The following JMJD1C variants were observed in gnomAD, a reference collection of about 807,000 sequenced individuals.
JMJD1C encodes the protein jumonji domain-containing protein 1C.
Under a neutral mutation model 245.3 loss-of-function variants are expected in JMJD1C, and 31 were observed. That is an observed-to-expected ratio of 0.13 (90% CI 0.09 to 0.17). The LOEUF (loss-of-function observed/expected upper bound fraction) is 0.17, where lower values mean the gene tolerates loss of function less well. Ranked by LOEUF, JMJD1C falls within the 10% of genes least tolerant of loss-of-function variation. The probability of loss-of-function intolerance (pLI) is 1.00; values close to 1 mark genes in which losing one functional copy is unlikely to be tolerated. For missense variants in JMJD1C, 2,691 were observed against 3,000.2 expected (o/e 0.90, Z 2.41); for synonymous variants, 1,057 against 1,017.4 (o/e 1.04, Z -0.74).
At chr10:63,442,471 G>A (rs955952462) in intron 1 of JMJD1C, among the ~76,000 whole-genome samples, 2 of 152,120 alleles carry the variant, frequency 1.3e-5, no homozygotes. Context: ...AAGAGACTTA[G>A]GTCATTATAT....
chr10:63,191,345 G>A (rs543214069), intron 16 of JMJD1C, among the ~76,000 whole-genome samples: 2 of 152,192 alleles, frequency 1.3e-5, no homozygotes, highest in African/African-American at 4.8e-5. Context: ...TGTTGGTCAG[G>A]CTGGTCTTGA....
chr10:63,483,638 T>C (rs989342144), intron 1 of JMJD1C, among the ~76,000 whole-genome samples: 2 of 152,334 alleles, frequency 1.3e-5, no homozygotes, highest in East Asian at 1.9e-4. Context: ...TTTGCCATTT[T>C]TTGAAAACTT....
chr10:63,185,275 T>C (rs1277926587), intron 20 of JMJD1C, among the ~76,000 whole-genome samples: 1 of 152,164 alleles, frequency 6.6e-6, no homozygotes, highest in Non-Finnish European at 1.5e-5. Flanking sequence ...GGACTACAGA[T>C]GCCTGCCACC....
chr10:63,288,895 T>G (rs1041924228), intron 2 of JMJD1C, among the ~76,000 whole-genome samples: 12 of 55,454 alleles, frequency 2.2e-4, no homozygotes, highest in African/African-American at 7.5e-4. Context: ...AATACAATAA[T>G]AATAATAATA....
At chr10:63,185,798 A>G in intron 19 of JMJD1C, 145 bp from the exon 20 acceptor site, 1 of 610,818 alleles carries the variant, frequency 1.6e-6, no homozygotes, top group Non-Finnish European at 2.8e-6. Context: ...CTTATTACTT[A>G]TGTACTTATG....
intron 22 of JMJD1C, among the ~76,000 whole-genome samples, chr10:63,179,585 T>C (rs1223681593): frequency 6.6e-6 from 1 of 151,696 alleles, no homozygotes; most frequent in African/African-American, 2.4e-5. Context: ...CCAGCCTGAG[T>C]AACATGGTAA....
In JMJD1C at chr10:63,300,312, C is replaced by G. The variant is rs191976203; in HGVS notation, c.334-35548G>C. 4.6e-5 allele frequency among the ~76,000 whole-genome samples: 7 copies of G among 152,050 alleles called. No individual in the cohort carries two copies. In the East Asian group the frequency reaches 5.8e-4, roughly 13 times the overall value. ...TAAGTCAGCCTGGTTATCAAAAGCA[C>G]AATAAGATTAGAGATGAAAATATTT... On this transcript the variant is annotated intron_variant, in intron 2 of 25. Transcript: ENST00000399262.
At chr10:63,177,299 G>A (rs961827294) in intron 23 of JMJD1C, 23 of 222,194 alleles carry the variant, frequency 1.0e-4, no homozygotes, top group Admixed American at 3.3e-4. Flanking sequence ...ATGTGATAGA[G>A]TAGAATCATT....
chr10:63,241,114 G>C (rs1419481428), intron 3 of JMJD1C, among the ~76,000 whole-genome samples: 2 of 152,168 alleles, frequency 1.3e-5, no homozygotes, highest in Admixed American at 6.6e-5. Context: ...TTTAATTTAT[G>C]CACATACACA....
intron 1 of JMJD1C, among the ~76,000 whole-genome samples, chr10:63,462,393 T>C (rs1952855664): frequency 6.6e-6 from 1 of 152,224 alleles, no homozygotes; most frequent in African/African-American, 2.4e-5. Context: ...TATATGTTCA[T>C]ATTGTACAAG....
At chr10:63,256,990 G>T (rs1183384735) in intron 3 of JMJD1C, among the ~76,000 whole-genome samples, 1 of 151,996 alleles carries the variant, frequency 6.6e-6, no homozygotes, top group Non-Finnish European at 1.5e-5. Flanking sequence ...ATCCGAACAC[G>T]TTGGGAGGCC....
chr10:63,491,499 C>G (rs1954174407), intron 1 of JMJD1C, among the ~76,000 whole-genome samples: 1 of 152,116 alleles, frequency 6.6e-6, no homozygotes, highest in Non-Finnish European at 1.5e-5. Context: ...AGTCAGCTTA[C>G]TTGTGGACTG....
At chr10:63,417,270 A>T (rs1217634743) in intron 1 of JMJD1C, among the ~76,000 whole-genome samples, 1 of 152,214 alleles carries the variant, frequency 6.6e-6, no homozygotes. Context: ...CTCAATGTAC[A>T]TACATAGATG....
intron 2 of JMJD1C, among the ~76,000 whole-genome samples, chr10:63,334,590 T>G (rs931599980): frequency 6.6e-6 from 1 of 152,034 alleles, no homozygotes; most frequent in Non-Finnish European, 1.5e-5. Context: ...GGCGTGGTGG[T>G]ATGTGCTATA....
upstream of JMJD1C, among the ~76,000 whole-genome samples, chr10:63,468,053 C>A (rs1391237202): frequency 6.6e-6 from 1 of 152,120 alleles, no homozygotes; most frequent in Non-Finnish European, 1.5e-5. Context: ...TAAATGGGCC[C>A]CTGGGAACTC....
chr10:63,339,936 T>C (rs1241358139), intron 2 of JMJD1C, among the ~76,000 whole-genome samples: 2 of 152,188 alleles, frequency 1.3e-5, no homozygotes, highest in African/African-American at 4.8e-5. Flanking sequence ...CTGTAGTCCC[T>C]GTAGTCCCAG....
rs1322115359 is a variant in JMJD1C, at chr10:63,380,358, G to A, written c.293C>T (p.Thr98Ile). ...IWAKRNDPSQ[T>I]QGSKSKQIQW... ...AATCTGTTTGCTCTTTGATCCCTGAGTCTGGCTAGGGTCATTCCTTTTGGC... is the reference window on the plus strand; with the variant it reads ...AATCTGTTTGCTCTTTGATCCCTGAATCTGGCTAGGGTCATTCCTTTTGGC... The change falls in exon 2 of 26, where the codon ACT becomes ATT. Residue 98 changes from threonine (T) to isoleucine (I), a missense_variant. Physicochemically the swap from Thr to Ile is moderately conservative, Grantham distance 89. This residue lies in a region of JMJD1C where 172 missense variants were observed against 240.8 expected (regional missense o/e 0.71). Coordinates refer to ENST00000399262, the MANE Select transcript of JMJD1C (RefSeq NM_032776.3). The A allele has an allele frequency of 1.2e-6, 2 of 1,613,990 alleles. No homozygotes were observed. The highest frequency in any genetic ancestry group is 2.2e-5 in the East Asian group (1 of 44,876).
rs559013236 is a variant in JMJD1C, at chr10:63,234,049, C to T, written c.448-14066G>A. 5.9e-5 allele frequency among the ~76,000 whole-genome samples: 9 copies of T among 152,088 alleles called. No individual in the cohort carries two copies. The South Asian group carries it at 1.9e-3, about 32-fold the overall frequency. On this transcript the variant is annotated intron_variant, in intron 3 of 25. Coordinates refer to ENST00000399262, the MANE Select transcript of JMJD1C (RefSeq NM_032776.3). ...ACAGTTAAATATGATAAGCATACTC[C>T]ATAGAAACCTAGCTAATTTAGAAAT... is the stretch of plus-strand genomic sequence containing the variant.
At chr10:63,168,733 T>G (rs568045107) in intron 24 of JMJD1C, among the ~76,000 whole-genome samples, 167 bp from the exon 25 acceptor site, 1 of 152,356 alleles carries the variant, frequency 6.6e-6, no homozygotes, top group African/African-American at 2.4e-5. Flanking sequence ...ATGAGAAAGT[T>G]ATGTCACTGA....
Sources: allele counts gnomAD v4.1 joint callset (sites outside exome capture counted in the v4.1 genomes callset), GRCh38; gene constraint gnomAD v4.1.1; regional missense constraint gnomAD v4.1.1; transcripts MANE v1.5; gene names NCBI Gene and HGNC (gene_info 2026-07-23, HGNC 2026-07-21).